MCF2L2: variants seen among roughly 807,000 people sequenced by gnomAD.
MCF2L2 encodes probable guanine nucleotide exchange factor MCF2L2.
A neutral mutation model predicts 150.2 loss-of-function variants in MCF2L2; 102 were observed. The observed-to-expected ratio is 0.68, with a 90% CI of 0.58 to 0.80. The LOEUF is 0.80. MCF2L2 is among the 30% of genes least tolerant of loss of function. MCF2L2 has a pLI of 0.00. For missense variants in MCF2L2, 1,256 were observed against 1,372.8 expected, an observed-to-expected ratio of 0.91 and a Z score of 1.34; for synonymous variants, 465 against 491.3, an observed-to-expected ratio of 0.95 and a Z score of 0.71.
intron 3 of MCF2L2, among the ~76,000 whole-genome samples, chr3:183,355,708 C>T (rs1045551409): frequency 1.7e-4 from 25 of 149,468 alleles, no homozygotes; most frequent in African/African-American, 6.0e-4. Context: ...CCTCGTGATC[C>T]GCCTGCCTCG....
intron 1 of MCF2L2, among the ~76,000 whole-genome samples, chr3:183,392,465 G>A (rs1339817926): frequency 3.3e-5 from 5 of 152,110 alleles, no homozygotes; most frequent in East Asian, 1.9e-4. Context: ...GACCTTTCTC[G>A]CTAGCCTCCT....
chr3:183,351,141 C>A (rs1731098041), intron 3 of MCF2L2, among the ~76,000 whole-genome samples: 1 of 134,866 alleles, frequency 7.4e-6, no homozygotes, highest in African/African-American at 2.7e-5. Context: ...TGTTCTGATC[C>A]CAAAATAGCA....
At chr3:183,184,238 G>A (rs190670696) in intron 27 of MCF2L2, among the ~76,000 whole-genome samples, 14 of 152,250 alleles carry the variant, frequency 9.2e-5, no homozygotes, top group African/African-American at 2.9e-4. Flanking sequence ...GGCTGGTCTC[G>A]AACTCTTGAT....
rs1576922502 is a variant in MCF2L2 at position 183,207,654 on chromosome 3, C to T, written c.2666G>A (p.Gly889Glu). ...GTAATGAGGAGATAATCCCTGGTCC[C>T]CAGGCTCCATTCGTATCTTACAGAA... Reference protein sequence around the residue: ...IVFCKIRMEPGDQGLSPHYSF... With the variant: ...IVFCKIRMEPEDQGLSPHYSF... The change falls in exon 23 of 30, where the codon GGG becomes GAG. Residue 889 changes from glycine (G) to glutamate (E), a missense_variant. Transcript: ENST00000328913. The T allele has an allele frequency of 2.5e-6, 4 of 1,614,224 alleles. No individual in the cohort carries two copies. Among genetic ancestry groups the T allele is most frequent in the Non-Finnish European group, 3.4e-6 (4 of 1,180,022 alleles).
At chr3:183,419,290 C>T (rs1715756128) in intron 1 of MCF2L2, among the ~76,000 whole-genome samples, 1 of 152,230 alleles carries the variant, frequency 6.6e-6, no homozygotes, top group Non-Finnish European at 1.5e-5. Flanking sequence ...TCCTCCTAGG[C>T]CTCTGGGACT....
At chr3:183,346,565 A>T (rs950142047) in intron 3 of MCF2L2, among the ~76,000 whole-genome samples, 1 of 152,202 alleles carries the variant, frequency 6.6e-6, no homozygotes, top group Admixed American at 6.5e-5. Context: ...GGCCAGGGCA[A>T]TGAGGCAAGA....
intron 4 of MCF2L2, 67 bp downstream of exon 4, chr3:183,341,473 G>C: frequency 7.8e-7 from 1 of 1,282,226 alleles, no homozygotes; most frequent in Non-Finnish European, 1.1e-6. Context: ...CCAGGACTTT[G>C]ATATGAAATA....
At position 183,181,026 on chromosome 3, in the gene MCF2L2, C is replaced by T. The variant is rs1430535125; in HGVS notation, c.3017-867G>A. On this transcript the variant is annotated intron_variant, in intron 27 of 29. Coordinates refer to ENST00000328913, the MANE Select transcript of MCF2L2 (RefSeq NM_015078.4). The surrounding 1 kb of genome is among the most constrained non-coding windows in gnomAD (Gnocchi z 4.3). ...CACAGGACAGCCCCAGACCGAGGGT[C>T]AGCTGAGTAGTCTACGCGGCGGGAG... 1.3e-5 allele frequency among the ~76,000 whole-genome samples: 2 copies of T among 152,246 alleles called. No homozygotes were observed. The highest frequency in any genetic ancestry group is 2.9e-5 in the Non-Finnish European group (2 of 68,044).
At chr3:183,261,714 A>G (rs1175468360) in intron 15 of MCF2L2, among the ~76,000 whole-genome samples, 2 of 152,100 alleles carry the variant, frequency 1.3e-5, no homozygotes, top group African/African-American at 4.8e-5. Context: ...CAAGGAAAAA[A>G]CCAGAGCTAG....
chr3:183,214,508 G>A (rs1476427677), intron 22 of MCF2L2, among the ~76,000 whole-genome samples: 2 of 151,728 alleles, frequency 1.3e-5, no homozygotes, highest in Non-Finnish European at 2.9e-5. Flanking sequence ...CTCATTTTTC[G>A]GACCTTAATA....
At position 183,179,488 on chromosome 3, in the gene MCF2L2, G is replaced by A; in HGVS notation, c.3237C>T (p.Thr1079=). 9 of 1,607,488 alleles carry A rather than the reference G, an allele frequency of 5.6e-6. No individual in the cohort carries two copies. Among genetic ancestry groups the A allele is most frequent in the East Asian group, 2.2e-5 (1 of 44,718 alleles). The stretch of plus-strand genomic sequence containing the variant: ...TGGACGCCCCAGCGCGCTCCTCCTC[G>A]GTGCTGCGGGTCGCCCTGCAATTCC... ...RDEEETATRS[T]EEERAGASTG... Residue 1079 remains threonine, a synonymous_variant, in exon 30 of 30, where the codon ACC becomes ACT. Transcript: ENST00000328913. This position sits in a 1 kb window ranked among gnomAD's most constrained non-coding sequence, Gnocchi z 4.2.
chr3:183,229,887 T>C (rs546915184), intron 16 of MCF2L2, 106 bp from the exon 17 acceptor site: 16 of 532,860 alleles, frequency 3.0e-5, no homozygotes, highest in Middle Eastern at 2.8e-4. Flanking sequence ...TTGAAGAATA[T>C]AGCACACTTG....
intron 5 of MCF2L2, among the ~76,000 whole-genome samples, chr3:183,328,721 ACT>A: frequency 6.6e-6 from 1 of 152,360 alleles, no homozygotes; most frequent in East Asian, 1.9e-4. Flanking sequence ...TGCAAAAGAC[ACT>A]GTTAAGAGAA....
intron 27 of MCF2L2, among the ~76,000 whole-genome samples, chr3:183,187,626 G>A (rs763401670): frequency 6.6e-6 from 1 of 152,016 alleles, no homozygotes; most frequent in Non-Finnish European, 1.5e-5. Flanking sequence ...GCGCCACCAC[G>A]CCCAGCCAAT....
chr3:183,331,045 C>T (rs566115865), intron 5 of MCF2L2, among the ~76,000 whole-genome samples: 120 of 152,146 alleles, frequency 7.9e-4, no homozygotes, highest in Non-Finnish European at 1.3e-3. Context: ...GTCTTTCATA[C>T]GCAAAACAAC....
chr3:183,415,275 C>T (rs1715529897), intron 1 of MCF2L2, among the ~76,000 whole-genome samples: 1 of 152,040 alleles, frequency 6.6e-6, no homozygotes, highest in African/African-American at 2.4e-5. Context: ...CAATCTTTGC[C>T]TCCCAGGTTC....
chr3:183,189,926 T>C (rs915195328), intron 27 of MCF2L2, among the ~76,000 whole-genome samples: 1 of 152,202 alleles, frequency 6.6e-6, no homozygotes, highest in African/African-American at 2.4e-5. Flanking sequence ...AATGACCAGA[T>C]GGCAGACTCG....
chr3:183,422,570 T>C (rs550540233), intron 1 of MCF2L2, among the ~76,000 whole-genome samples: 134 of 152,190 alleles, frequency 8.8e-4, no homozygotes, highest in South Asian at 2.9e-3. Flanking sequence ...AGCTGTAGGC[T>C]CTCCAGGAAC....
At chr3:183,212,434 G>C (rs541854819) in intron 22 of MCF2L2, among the ~76,000 whole-genome samples, 1 of 152,148 alleles carries the variant, frequency 6.6e-6, no homozygotes. Context: ...ATGAGCGAGC[G>C]ATAAGTTAGA....
Sources: gnomAD v4.1 joint callset for allele counts (sites outside exome capture counted in the v4.1 genomes callset) on GRCh38, gnomAD v4.1.1 for gene constraint, Gnocchi (gnomAD v3.1) non-coding constraint, MANE v1.5 for transcripts, NCBI Gene and HGNC (gene_info 2026-07-23, HGNC 2026-07-21) for gene names.